Variants in IMMP2L observed in about 807,000 individuals in gnomAD.
The protein encoded by IMMP2L is mitochondrial inner membrane protease subunit 2.
In IMMP2L, 18 loss-of-function variants were observed where a neutral mutation model predicts 19.3. That is an observed-to-expected ratio of 0.93 (90% CI 0.64 to 1.38). The LOEUF (loss-of-function observed/expected upper bound fraction) is 1.38. Among genes scored for constraint, IMMP2L ranks in the 40% most tolerant of loss-of-function variants. The pLI, the probability that IMMP2L is intolerant of heterozygous loss-of-function variation, is 0.00. For synonymous variants in IMMP2L, 76 were observed against 73.0 expected, an observed-to-expected ratio of 1.04 and a Z score of -0.21; for missense variants, 233 against 218.2, an observed-to-expected ratio of 1.07 and a Z score of -0.43.
At chr7:111,209,720 G>GAAC (rs1811111655) in intron 3 of IMMP2L, among the ~76,000 whole-genome samples, 1 of 152,122 alleles carries the variant, frequency 6.6e-6, no homozygotes, top group Non-Finnish European at 1.5e-5. Context: ...CAACAACACA[G>GAAC]AACAGTATTT....
At chr7:111,512,004 C>T (rs1055668403) in intron 2 of IMMP2L, among the ~76,000 whole-genome samples, 1 of 152,078 alleles carries the variant, frequency 6.6e-6, no homozygotes, top group Non-Finnish European at 1.5e-5. Context: ...ATAAATGTAC[C>T]ATGCCACTCA....
chr7:111,023,229 T>A (rs1299734268), intron 3 of IMMP2L, among the ~76,000 whole-genome samples: 1 of 152,220 alleles, frequency 6.6e-6, no homozygotes, highest in Non-Finnish European at 1.5e-5. Flanking sequence ...TTATTGAAAG[T>A]AAGCTTTCTA....
chr7:111,149,638 T>C (rs577739404), intron 3 of IMMP2L, among the ~76,000 whole-genome samples: 10 of 152,186 alleles, frequency 6.6e-5, no homozygotes, highest in Non-Finnish European at 1.5e-4. Context: ...TTGTTGCAAA[T>C]GTCCAAAAAA....
intron 3 of IMMP2L, among the ~76,000 whole-genome samples, chr7:110,985,428 T>A (rs1005949704): frequency 2.0e-5 from 3 of 152,140 alleles, no homozygotes; most frequent in African/African-American, 7.2e-5. Context: ...ATTATTGCTA[T>A]GAAATTTAAG....
chr7:110,841,414 T>C (rs1237309204), intron 5 of IMMP2L, among the ~76,000 whole-genome samples: 2 of 145,142 alleles, frequency 1.4e-5, no homozygotes, highest in African/African-American at 2.5e-5. Flanking sequence ...TAATGAAAAA[T>C]CTATGCACGA....
rs1204438712 is a variant in IMMP2L, at chr7:110,833,448, A to AAG, written c.408+53144_408+53145insCT. Among the ~76,000 whole-genome samples the AAG allele has an allele frequency of 2.0e-5, 3 of 150,458 alleles. No homozygotes were observed. The East Asian group carries it at 5.9e-4, about 29-fold the overall frequency. ...GAGTGAAACTTCGTCTCAAAAAAAA[A>AAG]AAAAAAAAGAGAGAGAGAGCTTTAA... On this transcript the variant is annotated intron_variant, in intron 5 of 5. Coordinates refer to ENST00000405709, the MANE Select transcript of IMMP2L (RefSeq NM_032549.4).
chr7:110,874,824 C>A (rs1393921434), intron 5 of IMMP2L, among the ~76,000 whole-genome samples: 2 of 152,026 alleles, frequency 1.3e-5, no homozygotes, highest in African/African-American at 4.8e-5. Context: ...GCTTTAGAGA[C>A]TGGGAAGTCC....
intron 3 of IMMP2L, among the ~76,000 whole-genome samples, chr7:111,028,054 AAGTG>A (rs1312375419): frequency 6.6e-6 from 1 of 152,116 alleles, no homozygotes; most frequent in African/African-American, 2.4e-5. Context: ...AATTTTCTTG[AAGTG>A]TATAGTTTCA....
chr7:111,086,268 AAAAAAAAAAAG>A (rs1200250841), intron 3 of IMMP2L, among the ~76,000 whole-genome samples: 1 of 143,742 alleles, frequency 7.0e-6, no homozygotes, highest in Admixed American at 6.8e-5. Context: ...AAAAAAAAGA[AAAAAAAAAAAG>A]AAAAAGAAAA....
At chr7:111,509,745 AT>A (rs2132548282) in intron 2 of IMMP2L, among the ~76,000 whole-genome samples, 2 of 152,296 alleles carry the variant, frequency 1.3e-5, no homozygotes, top group South Asian at 4.1e-4. Context: ...CATAAAGAAT[AT>A]GATGAATTTG....
At chr7:110,705,700 A>G (rs1281929186) in intron 5 of IMMP2L, among the ~76,000 whole-genome samples, 1 of 152,048 alleles carries the variant, frequency 6.6e-6, no homozygotes, top group East Asian at 1.9e-4. Context: ...ATCTGGGTGC[A>G]TAGTACCCAA....
chr7:110,874,053 G>A (rs1014374276), intron 5 of IMMP2L, among the ~76,000 whole-genome samples: 4 of 152,024 alleles, frequency 2.6e-5, no homozygotes, highest in African/African-American at 9.7e-5. Flanking sequence ...AGAATATATA[G>A]GGTATTTTTT....
At chr7:111,020,540 T>C (rs192727446) in intron 3 of IMMP2L, among the ~76,000 whole-genome samples, 40 of 152,272 alleles carry the variant, frequency 2.6e-4, no homozygotes, top group Non-Finnish European at 4.0e-4. Flanking sequence ...GACAGGTGGA[T>C]TGCTTGAGCA....
chr7:111,393,400 A>C (rs1832573579), intron 3 of IMMP2L, among the ~76,000 whole-genome samples: 2 of 152,160 alleles, frequency 1.3e-5, no homozygotes, highest in Admixed American at 6.5e-5. Context: ...TTTTGTAAAA[A>C]ACTTGTCCCA....
chr7:110,841,556 C>A (rs1805090623), intron 5 of IMMP2L, among the ~76,000 whole-genome samples: 1 of 152,086 alleles, frequency 6.6e-6, no homozygotes, highest in Non-Finnish European at 1.5e-5. Flanking sequence ...TATGTTCATG[C>A]TTGCTTCACA....
chr7:110,696,834 C>T lies in IMMP2L; in HGVS notation c.409-33113G>A, dbSNP rs564081505. ...GAGAATAAGAATTTGATTGGGGGGACGGATGGGTAATTATGTCATTAGTTA... is the reference window on the plus strand; with the variant it reads ...GAGAATAAGAATTTGATTGGGGGGATGGATGGGTAATTATGTCATTAGTTA... On this transcript the variant is annotated intron_variant, in intron 5 of 5. Transcript: ENST00000405709. Among the ~76,000 whole-genome samples the T allele has an allele frequency of 1.8e-4, 28 of 151,992 alleles. 1 individual carries two copies. The Middle Eastern group carries it at 0.014, about 74-fold the overall frequency.
intron 3 of IMMP2L, among the ~76,000 whole-genome samples, chr7:111,386,293 A>C (rs1584903197): frequency 6.6e-6 from 1 of 152,140 alleles, no homozygotes; most frequent in Non-Finnish European, 1.5e-5. Context: ...CCAATCCTTA[A>C]TATCATTGCT....
rs1399478783 is a variant in IMMP2L, at chr7:111,197,172, C to A, written c.240-233607G>T. 3.3e-5 allele frequency among the ~76,000 whole-genome samples: 5 copies of A among 152,066 alleles called. No individual in the cohort carries two copies. In the East Asian group the frequency reaches 9.7e-4, roughly 29 times the overall value. ...GCCAACAAATTCCTTTAAAAATGAA[C>A]AAAGTATTGGCTGGGCTCGGTGGCT... is the stretch of plus-strand genomic sequence containing the variant. On this transcript the variant is annotated intron_variant, in intron 3 of 5. Transcript: ENST00000405709.
intron 2 of IMMP2L, among the ~76,000 whole-genome samples, chr7:111,519,179 G>A (rs1563303233): frequency 6.6e-6 from 1 of 152,118 alleles, no homozygotes; most frequent in East Asian, 1.9e-4. Flanking sequence ...CTGGGCATGC[G>A]AGCTGCCAGC....
Sources: allele counts gnomAD v4.1 joint callset (sites outside exome capture counted in the v4.1 genomes callset), GRCh38; gene constraint gnomAD v4.1.1; transcripts MANE v1.5; gene names NCBI Gene and HGNC (gene_info 2026-07-23, HGNC 2026-07-21).